The following KANK4 variants were observed in gnomAD, a reference collection of about 807,000 sequenced individuals.
The protein encoded by KANK4 is KN motif and ankyrin repeat domain-containing protein 4.
In KANK4, 50 loss-of-function variants were observed where a neutral mutation model predicts 80.8. The observed-to-expected ratio is 0.62, with a 90% confidence interval of 0.49 to 0.78. The LOEUF (loss-of-function observed/expected upper bound fraction) is 0.78. KANK4 is among the 30% of genes least tolerant of loss of function. KANK4 has a pLI of 0.00. For synonymous variants in KANK4, 465 were observed against 506.9 expected (o/e 0.92, Z 1.11); for missense variants, 1,196 against 1,240.1 (o/e 0.96, Z 0.53).
intron 2 of KANK4, among the ~76,000 whole-genome samples, chr1:62,275,934 G>GGGAA: frequency 6.6e-6 from 1 of 150,826 alleles, no homozygotes. Flanking sequence ...AGGAAAGGAA[G>GGGAA]GGAAGGAAGG....
At chr1:62,317,468 C>T (rs1006778676) in intron 1 of KANK4, among the ~76,000 whole-genome samples, 1 of 152,194 alleles carries the variant, frequency 6.6e-6, no homozygotes, top group African/African-American at 2.4e-5. Context: ...AGCCAGGGGA[C>T]TTCCAACTGC....
intron 1 of KANK4, among the ~76,000 whole-genome samples, chr1:62,307,110 C>T (rs945398980): frequency 2.0e-5 from 3 of 152,136 alleles, no homozygotes; most frequent in African/African-American, 7.2e-5. Context: ...ACCTTCACTT[C>T]GTCCAGGTTC....
chr1:62,312,142 T>A lies in KANK4; in HGVS notation c.-71+6964A>T, dbSNP rs148688631. 2.9e-3 allele frequency among the ~76,000 whole-genome samples: 440 copies of A among 152,292 alleles called. 2 individuals carry two copies. The highest frequency in any genetic ancestry group is 9.2e-3 in the African/African-American group (382 of 41,576). On this transcript the variant is annotated intron_variant, in intron 1 of 9. Coordinates refer to ENST00000371153, the MANE Select transcript of KANK4 (RefSeq NM_181712.5). ...TTGAAATATAATTAATAAAATTTTT[T>A]AAATTGTGTAATATAGTAATATATT...
chr1:62,241,528 A>T (rs1213005653), intron 9 of KANK4, among the ~76,000 whole-genome samples: 1 of 152,182 alleles, frequency 6.6e-6, no homozygotes, highest in Non-Finnish European at 1.5e-5. Flanking sequence ...CAAGAACTTG[A>T]TCTGGCCTGT....
chr1:62,238,276 C>T lies in KANK4; in HGVS notation c.*1G>A. ...CCCCACGGCCAGTTCTTCTGCAGCCCCTACAGCCCCAGGGACCTGCCCTGC... is the reference window on the plus strand; with the variant it reads ...CCCCACGGCCAGTTCTTCTGCAGCCTCTACAGCCCCAGGGACCTGCCCTGC... On this transcript the variant is annotated 3_prime_UTR_variant, in exon 10 of 10. Coordinates refer to ENST00000371153, the MANE Select transcript of KANK4 (RefSeq NM_181712.5). 14 of 1,610,560 alleles carry T rather than the reference C, an allele frequency of 8.7e-6. No homozygotes were observed. Among genetic ancestry groups the T allele is most frequent in the Non-Finnish European group, 8.5e-6 (10 of 1,176,988 alleles).
intron 1 of KANK4, among the ~76,000 whole-genome samples, chr1:62,291,265 T>G (rs1480456179): frequency 6.6e-6 from 1 of 152,226 alleles, no homozygotes; most frequent in African/African-American, 2.4e-5. Flanking sequence ...TCTTTACCCA[T>G]TTTTGAATTG....
intron 9 of KANK4, among the ~76,000 whole-genome samples, chr1:62,240,583 C>T (rs570475382): frequency 1.2e-4 from 18 of 152,172 alleles, no homozygotes; most frequent in Admixed American, 5.9e-4. Context: ...GCATGGGAAT[C>T]GCTTGAAACT....
At chr1:62,307,290 C>T (rs1644459980) in intron 1 of KANK4, among the ~76,000 whole-genome samples, 1 of 151,930 alleles carries the variant, frequency 6.6e-6, no homozygotes, top group East Asian at 1.9e-4. Context: ...CGAGACCAGC[C>T]GGGCCAACAT....
chr1:62,308,606 C>T (rs1467860397), intron 1 of KANK4, among the ~76,000 whole-genome samples: 1 of 152,180 alleles, frequency 6.6e-6, no homozygotes, highest in Non-Finnish European at 1.5e-5. Flanking sequence ...CAGCCACCCT[C>T]TCAAAGGAGC....
At chr1:62,282,800 C>T in intron 1 of KANK4, among the ~76,000 whole-genome samples, 1 of 152,226 alleles carries the variant, frequency 6.6e-6, no homozygotes, top group East Asian at 1.9e-4. Context: ...CCCCAAAGGG[C>T]AGGCATGTTT....
chr1:62,240,434 C>A (rs1671308904), intron 9 of KANK4, among the ~76,000 whole-genome samples: 1 of 152,172 alleles, frequency 6.6e-6, no homozygotes, highest in Non-Finnish European at 1.5e-5. Flanking sequence ...CTTTGGGAGG[C>A]CAAGGCCGGT....
chr1:62,248,357 T>C (rs1671522302), intron 8 of KANK4, among the ~76,000 whole-genome samples: 1 of 152,104 alleles, frequency 6.6e-6, no homozygotes, highest in Non-Finnish European at 1.5e-5. Flanking sequence ...CTGTCTTCCT[T>C]GATTCTTGGT....
chr1:62,274,063 C>G lies in KANK4; in HGVS notation c.1041G>C (p.Gln347His). Residue 347 changes from glutamine to histidine, a missense_variant, in exon 3 of 10, where the codon CAG (glutamine) becomes CAC (histidine). Coordinates refer to ENST00000371153, the MANE Select transcript of KANK4 (RefSeq NM_181712.5). ...VDPGSISSLK[Q>H]QVSALEGELS... ...ACTCTCCCTCCAGGGCCGAGACCTG[C>G]TGTTTCAGGCTGGAGATGCTGCCTG... 6.2e-7 allele frequency: 1 copy of G among 1,614,210 alleles called. No individual in the cohort carries two copies. The highest frequency in any genetic ancestry group is 8.5e-7 in the Non-Finnish European group (1 of 1,180,046).
chr1:62,247,542 T>C lies in KANK4; in HGVS notation c.2813A>G (p.His938Arg), dbSNP rs1411813494. Residue 938 changes from histidine to arginine, a missense_variant, in exon 9 of 10, where the codon CAC becomes CGC. Physicochemically the swap from His to Arg is conservative, Grantham distance 29. Coordinates refer to ENST00000371153, the MANE Select transcript of KANK4 (RefSeq NM_181712.5). Reference sequence around the variant, plus strand: ...CCGCACCAGGTCCACGTTGCCATGGTGACAGGCCACCATGAGGGCCGAGGA... The same window carrying C: ...CCGCACCAGGTCCACGTTGCCATGGCGACAGGCCACCATGAGGGCCGAGGA... ...DGSSALMVAC[H>R]HGNVDLVRLL... 6.2e-7 allele frequency: 1 copy of C among 1,614,088 alleles called. No homozygotes were observed. The highest frequency in any genetic ancestry group is 1.3e-5 in the African/African-American group (1 of 75,038).
chr1:62,306,666 AT>A (rs1287606729), intron 1 of KANK4, among the ~76,000 whole-genome samples: 2 of 152,022 alleles, frequency 1.3e-5, no homozygotes, highest in African/African-American at 4.8e-5. Context: ...ACCTCTATAT[AT>A]TTTTCAATGT....
rs1672161909 is a variant in KANK4 at position 62,271,513 on chromosome 1, G to C, written c.1977C>G (p.Thr659=). The C allele has an allele frequency of 6.2e-7, 1 of 1,613,822 alleles. No individual in the cohort carries two copies. The highest frequency in any genetic ancestry group is 1.1e-5 in the South Asian group (1 of 91,072). Reference sequence around the variant, plus strand: ...CCCCAACAAACTGAAGGTTCTTTTTGGTCCCATTACCTCCTGCACGGAAGC... The same window carrying C: ...CCCCAACAAACTGAAGGTTCTTTTTCGTCCCATTACCTCCTGCACGGAAGC... ...DYGFRAGGNG[T]KKNLQFVGVN... The change falls in exon 4 of 10, where the codon ACC becomes ACG. Residue 659 remains threonine, a synonymous_variant. Coordinates refer to ENST00000371153, the MANE Select transcript of KANK4 (RefSeq NM_181712.5).
At chr1:62,318,762 G>A (rs1214735877) in intron 1 of KANK4, among the ~76,000 whole-genome samples, 1 of 152,168 alleles carries the variant, frequency 6.6e-6, no homozygotes, top group Non-Finnish European at 1.5e-5. Context: ...AGGACAGCAC[G>A]GCCTCCCCCT....
chr1:62,316,747 C>T (rs1003081851), intron 1 of KANK4, among the ~76,000 whole-genome samples: 1 of 152,178 alleles, frequency 6.6e-6, no homozygotes, highest in African/African-American at 2.4e-5. Flanking sequence ...TTAAGAAATA[C>T]TGGACAGGAC....
At chr1:62,247,355 G>A (rs1671490695) in intron 9 of KANK4, 117 bp downstream of exon 9, 1 of 813,922 alleles carries the variant, frequency 1.2e-6, no homozygotes, top group Non-Finnish European at 2.0e-6. Context: ...GCCTAGGCTG[G>A]TCTCGAACTC....
Sources: allele counts gnomAD v4.1 joint callset (sites outside exome capture counted in the v4.1 genomes callset), GRCh38; gene constraint gnomAD v4.1.1; transcripts MANE v1.5; gene names NCBI Gene and HGNC (gene_info 2026-07-23, HGNC 2026-07-21).